Variants in CSMD1 observed in about 807,000 individuals in gnomAD.
CSMD1 encodes CUB and sushi domain-containing protein 1.
In CSMD1, 213 loss-of-function variants were observed where a neutral mutation model predicts 417.5. The ratio of observed to expected loss-of-function variants is 0.51; its 90% CI spans 0.46 to 0.57. The LOEUF (loss-of-function observed/expected upper bound fraction) is 0.57. CSMD1 is among the 20% of genes least tolerant of loss of function. The pLI is 0.00. For synonymous variants in CSMD1, 2,862 were observed against 1,736.8 expected (o/e 1.65, Z -16.11); for missense variants, 6,923 against 4,529.7 (o/e 1.53, Z -15.17).
intron 10 of CSMD1, among the ~76,000 whole-genome samples, chr8:3,538,015 C>G (rs1315712042): frequency 1.3e-5 from 2 of 152,220 alleles, no homozygotes; most frequent in Non-Finnish European, 2.9e-5. Flanking sequence ...GGCTTTCCTA[C>G]AAGACTGTGG....
At chr8:4,944,178 C>T (rs914279588) in intron 1 of CSMD1, among the ~76,000 whole-genome samples, 19 of 152,082 alleles carry the variant, frequency 1.2e-4, no homozygotes, top group Admixed American at 2.6e-4. Flanking sequence ...AAAAAATCCA[C>T]GAACTTAGAT....
intron 3 of CSMD1, among the ~76,000 whole-genome samples, chr8:4,291,151 G>T (rs544900141): frequency 6.6e-6 from 1 of 151,488 alleles, no homozygotes; most frequent in Non-Finnish European, 1.5e-5. Flanking sequence ...TATGGTTTGG[G>T]GATTATCTAT....
At chr8:4,617,412 T>A (rs1801531865) in intron 2 of CSMD1, among the ~76,000 whole-genome samples, 2 of 152,218 alleles carry the variant, frequency 1.3e-5, no homozygotes, top group African/African-American at 4.8e-5. Context: ...CATTCCATAT[T>A]TTAAATATGC....
At chr8:3,589,019 C>G (rs1047740305) in intron 8 of CSMD1, among the ~76,000 whole-genome samples, 7 of 152,062 alleles carry the variant, frequency 4.6e-5, no homozygotes, top group African/African-American at 1.7e-4. Flanking sequence ...CAAATTAAAA[C>G]CACAGTGAGA....
At chr8:3,507,690 T>C (rs573591859) in intron 10 of CSMD1, among the ~76,000 whole-genome samples, 79 of 152,328 alleles carry the variant, frequency 5.2e-4, no homozygotes, top group African/African-American at 9.4e-4. Flanking sequence ...TTTTAATGAT[T>C]GCCATTCTAA....
At chr8:3,541,648 A>G (rs968316304) in intron 10 of CSMD1, among the ~76,000 whole-genome samples, 2 of 149,942 alleles carry the variant, frequency 1.3e-5, no homozygotes, top group Non-Finnish European at 3.0e-5. Context: ...CACTAATCAA[A>G]TTAATCAAAA....
intron 18 of CSMD1, among the ~76,000 whole-genome samples, chr8:3,382,027 G>A (rs946607203): frequency 2.0e-5 from 3 of 152,120 alleles, no homozygotes; most frequent in Non-Finnish European, 4.4e-5. Flanking sequence ...GGAGGCCGAG[G>A]CAGGCAGATT....
intron 10 of CSMD1, among the ~76,000 whole-genome samples, chr8:3,536,185 G>A (rs890031414): frequency 3.9e-5 from 6 of 152,178 alleles, no homozygotes; most frequent in Non-Finnish European, 5.9e-5. Flanking sequence ...TTCAGCAGAC[G>A]TATCCAGAGC....
At chr8:4,911,680 G>C (rs1354158180) in intron 1 of CSMD1, among the ~76,000 whole-genome samples, 3 of 152,056 alleles carry the variant, frequency 2.0e-5, no homozygotes, top group Non-Finnish European at 4.4e-5. Context: ...TGCATAAATA[G>C]ACTGAAATAA....
intron 5 of CSMD1, among the ~76,000 whole-genome samples, chr8:3,798,165 A>G (rs1023428283): frequency 6.6e-6 from 1 of 152,138 alleles, no homozygotes; most frequent in African/African-American, 2.4e-5. Context: ...GTAGTCTTTT[A>G]TTAGATAAAA....
chr8:3,766,977 C>G (rs946347039), intron 5 of CSMD1, among the ~76,000 whole-genome samples: 6 of 152,134 alleles, frequency 3.9e-5, no homozygotes, highest in Non-Finnish European at 7.3e-5. Flanking sequence ...TCATATGGGT[C>G]CCCAGGCGAA....
At chr8:3,767,456 A>T (rs1038823278) in intron 5 of CSMD1, among the ~76,000 whole-genome samples, 1 of 152,204 alleles carries the variant, frequency 6.6e-6, no homozygotes, top group Non-Finnish European at 1.5e-5. Flanking sequence ...TGCAGACTGC[A>T]AGCTGCTGCT....
rs376908643 is a variant in CSMD1, at chr8:3,201,625, C to T, written c.5085G>A (p.Ser1695=). ...HAQARLLSSL[S]GSHSGETLPL... is the part of the protein sequence containing the mutation. ...TTTAAGACTTACCTGAGTGAGACCC[C>T]GAGAGTGAGCTGAGAAGTCTGGCCT... Residue 1695 remains serine (S), a synonymous_variant, in exon 32 of 70, where the codon TCG becomes TCA. Transcript: ENST00000635120. 1.5e-4 allele frequency: 233 copies of T among 1,599,252 alleles called. No homozygotes were observed. The highest frequency in any genetic ancestry group is 1.4e-3 in the African/African-American group (101 of 74,656).
At chr8:3,665,664 G>C (rs1798651572) in intron 7 of CSMD1, among the ~76,000 whole-genome samples, 1 of 152,084 alleles carries the variant, frequency 6.6e-6, no homozygotes, top group Non-Finnish European at 1.5e-5. Flanking sequence ...CACTTAATGG[G>C]ACAAACAGAA....
intron 25 of CSMD1, among the ~76,000 whole-genome samples, chr8:3,288,090 T>C (rs901476667): frequency 6.8e-6 from 1 of 147,552 alleles, no homozygotes; most frequent in African/African-American, 2.7e-5. Context: ...GTTCTGTTTA[T>C]ATGCTGGATT....
intron 4 of CSMD1, among the ~76,000 whole-genome samples, chr8:4,028,052 C>T (rs989762563): frequency 1.1e-4 from 16 of 151,860 alleles, no homozygotes; most frequent in Admixed American, 1.0e-3. Context: ...GTTTTGAGGC[C>T]ACCACTGTTT....
intron 3 of CSMD1, among the ~76,000 whole-genome samples, chr8:4,203,238 C>G (rs998795831): frequency 6.6e-6 from 1 of 152,142 alleles, no homozygotes; most frequent in Non-Finnish European, 1.5e-5. Context: ...GCCACAAGCT[C>G]AGGAATGTTG....
intron 3 of CSMD1, among the ~76,000 whole-genome samples, chr8:4,228,777 G>A (rs1421837603): frequency 2.0e-5 from 3 of 151,970 alleles, no homozygotes; most frequent in South Asian, 4.2e-4. Flanking sequence ...TCTGCCTCCT[G>A]GGTTCAAAAG....
chr8:4,960,831 T>C (rs1809427689), intron 1 of CSMD1, among the ~76,000 whole-genome samples: 1 of 152,162 alleles, frequency 6.6e-6, no homozygotes, highest in South Asian at 2.1e-4. Flanking sequence ...ATCAAATGAA[T>C]TCATTTACAT....
Sources: allele counts gnomAD v4.1 joint callset (sites outside exome capture counted in the v4.1 genomes callset), GRCh38; gene constraint gnomAD v4.1.1; transcripts MANE v1.5; gene names NCBI Gene and HGNC (gene_info 2026-07-23, HGNC 2026-07-21).